The following KIRREL1 variants were observed in gnomAD, a reference collection of about 807,000 sequenced individuals.
KIRREL1 encodes the protein kin of IRRE-like protein 1.
In KIRREL1, 25 loss-of-function variants were observed where a neutral mutation model predicts 83.3. The ratio of observed to expected loss-of-function variants is 0.30; its 90% confidence interval spans 0.22 to 0.42. The LOEUF (loss-of-function observed/expected upper bound fraction) is 0.42. Among genes scored for constraint, KIRREL1 ranks in the 10% least tolerant of loss-of-function variants. KIRREL1 has a pLI of 1.00. For missense variants in KIRREL1, 812 were observed against 1,032.3 expected (o/e 0.79, Z 2.92); for synonymous variants, 388 against 410.4 (o/e 0.95, Z 0.66).
chr1:158,077,271 A>G (rs1661706014), intron 2 of KIRREL1, among the ~76,000 whole-genome samples: 1 of 152,214 alleles, frequency 6.6e-6, no homozygotes. Context: ...TGGTAGATCT[A>G]TTGATGATAG....
intron 2 of KIRREL1, among the ~76,000 whole-genome samples, chr1:158,076,677 C>G (rs1005031386): frequency 6.6e-6 from 1 of 152,226 alleles, no homozygotes; most frequent in African/African-American, 2.4e-5. Context: ...CGGCCTGGCT[C>G]GGCTCCAGCC....
At chr1:158,065,813 TG>T (rs1661344106) in intron 1 of KIRREL1, among the ~76,000 whole-genome samples, 1 of 68,894 alleles carries the variant, frequency 1.5e-5, no homozygotes, top group Non-Finnish European at 3.2e-5. Flanking sequence ...GATTTCTGCC[TG>T]TGAGACCCCA....
At chr1:158,010,393 GCATACACACACACACACACA>G (rs1659647788) in intron 1 of KIRREL1, among the ~76,000 whole-genome samples, 1 of 12,570 alleles carries the variant, frequency 8.0e-5, no homozygotes, top group Non-Finnish European at 1.6e-4. Context: ...TCACACACAT[GCATACACACACACACACACA>G]CACACACACA....
chr1:158,000,860 G>A (rs1299182069), intron 1 of KIRREL1, among the ~76,000 whole-genome samples: 2 of 152,180 alleles, frequency 1.3e-5, no homozygotes, highest in Non-Finnish European at 2.9e-5. Context: ...CTTAAATCCA[G>A]GGGTAGAAAT....
intron 1 of KIRREL1, among the ~76,000 whole-genome samples, chr1:158,025,005 C>G (rs1354396520): frequency 6.6e-6 from 1 of 152,224 alleles, no homozygotes; most frequent in Non-Finnish European, 1.5e-5. Flanking sequence ...CCCCGAGGGA[C>G]CCATGGACAC....
At chr1:158,058,034 G>A (rs907578090) in intron 1 of KIRREL1, among the ~76,000 whole-genome samples, 1 of 152,200 alleles carries the variant, frequency 6.6e-6, no homozygotes, top group Non-Finnish European at 1.5e-5. Flanking sequence ...TGGGTGAGTT[G>A]GGGGCTTGCG....
chr1:158,044,253 C>T (rs988897010), intron 1 of KIRREL1, among the ~76,000 whole-genome samples: 11 of 152,172 alleles, frequency 7.2e-5, no homozygotes, highest in African/African-American at 2.7e-4. Flanking sequence ...GAGCCCCCTT[C>T]TGTCTGCCTC....
At chr1:158,033,682 T>C (rs1369800272) in intron 1 of KIRREL1, among the ~76,000 whole-genome samples, 3 of 152,174 alleles carry the variant, frequency 2.0e-5, no homozygotes, top group African/African-American at 4.8e-5. Flanking sequence ...ATTTCAAAGA[T>C]AGAAAATGAA....
intron 11 of KIRREL1, among the ~76,000 whole-genome samples, chr1:158,092,944 C>T (rs115990677): frequency 0.03 from 4,507 of 151,506 alleles, 87 homozygotes; most frequent in Non-Finnish European, 0.044. Flanking sequence ...TGAAAGATGT[C>T]GGAACACGGG....
intron 1 of KIRREL1, among the ~76,000 whole-genome samples, chr1:158,009,502 G>C (rs1302897204): frequency 6.6e-6 from 1 of 152,176 alleles, no homozygotes; most frequent in Non-Finnish European, 1.5e-5. Flanking sequence ...ATACATGAAA[G>C]CACCTGGCTT....
At chr1:158,024,428 GC>G (rs1660107294) in intron 1 of KIRREL1, among the ~76,000 whole-genome samples, 1 of 151,226 alleles carries the variant, frequency 6.6e-6, no homozygotes, top group Non-Finnish European at 1.5e-5. Context: ...ATAGGTGTGT[GC>G]CACCACACTC....
chr1:158,007,081 G>C (rs375174079), intron 1 of KIRREL1, among the ~76,000 whole-genome samples: 2 of 152,162 alleles, frequency 1.3e-5, no homozygotes, highest in East Asian at 3.9e-4. Context: ...ATACTGAACC[G>C]TATAAGTGCA....
chr1:158,016,845 G>A (rs1175018183), intron 1 of KIRREL1, among the ~76,000 whole-genome samples: 3 of 152,076 alleles, frequency 2.0e-5, no homozygotes, highest in Non-Finnish European at 4.4e-5. Flanking sequence ...AAGACAATAG[G>A]GTAAGACAAG....
At chr1:158,033,527 C>A (rs1660385073) in intron 1 of KIRREL1, among the ~76,000 whole-genome samples, 1 of 152,232 alleles carries the variant, frequency 6.6e-6, no homozygotes. Context: ...TCCACAGTGC[C>A]TTCTCTTCCT....
intron 1 of KIRREL1, among the ~76,000 whole-genome samples, chr1:158,046,602 AAG>A (rs1442071770): frequency 6.6e-6 from 1 of 152,042 alleles, no homozygotes; most frequent in Non-Finnish European, 1.5e-5. Flanking sequence ...CTTCAACAAG[AAG>A]AGGAGGAGGA....
At chr1:158,041,156 G>T (rs932040931) in intron 1 of KIRREL1, among the ~76,000 whole-genome samples, 2 of 152,168 alleles carry the variant, frequency 1.3e-5, no homozygotes, top group Non-Finnish European at 2.9e-5. Context: ...GATAAATAGG[G>T]AACACAATAA....
chr1:157,998,406 C>T (rs1358679354), intron 1 of KIRREL1, among the ~76,000 whole-genome samples: 1 of 152,192 alleles, frequency 6.6e-6, no homozygotes, highest in Non-Finnish European at 1.5e-5. Context: ...TTCTGAGATT[C>T]TGTCCTACAT....
At position 158,094,303 on chromosome 1, in the gene KIRREL1, T is replaced by C; in HGVS notation, c.1720-10T>C. 2 of 1,598,498 alleles carry C rather than the reference T, an allele frequency of 1.3e-6. No individual in the cohort carries two copies. Among genetic ancestry groups the C allele is most frequent in the Non-Finnish European group, 1.7e-6 (2 of 1,173,602 alleles). ...CCGTCTGCTGACGTCCCACTCCTGCTGCTCCACAGTCGTTTAAGGATGATG... is the reference window on the plus strand; with the variant it reads ...CCGTCTGCTGACGTCCCACTCCTGCCGCTCCACAGTCGTTTAAGGATGATG... On this transcript the variant is annotated splice_polypyrimidine_tract_variant and intron_variant, in intron 13 of 14. Coordinates refer to ENST00000359209, the MANE Select transcript of KIRREL1 (RefSeq NM_018240.7). The surrounding 1 kb of genome is among the most constrained non-coding windows in gnomAD (Gnocchi z 4.6).
At position 158,022,076 on chromosome 1, in the gene KIRREL1, C is replaced by G. The variant is rs912115735; in HGVS notation, c.52+28348C>G. 4.6e-5 allele frequency among the ~76,000 whole-genome samples: 7 copies of G among 151,660 alleles called. No homozygotes were observed. The South Asian group carries it at 6.3e-4, about 14-fold the overall frequency. ...GGGGCTCGGTGGGTAGTTATTAAAG[C>G]TTTATGCACCTGGATTCCTAGTAGG... On this transcript the variant is annotated intron_variant, in intron 1 of 14. Transcript: ENST00000359209.
Sources: allele counts gnomAD v4.1 joint callset (sites outside exome capture counted in the v4.1 genomes callset), GRCh38; gene constraint gnomAD v4.1.1; non-coding constraint Gnocchi (gnomAD v3.1); transcripts MANE v1.5; gene names NCBI Gene and HGNC (gene_info 2026-07-23, HGNC 2026-07-21).